FHOD3: variants seen among roughly 807,000 people sequenced by gnomAD.
FHOD3 encodes the protein formin homology 2 domain containing 3.
FHOD3 carries 90 observed loss-of-function variants against 173.0 expected under a neutral mutation model. The observed-to-expected ratio is 0.52, with a 90% CI of 0.44 to 0.62. FHOD3 has a LOEUF of 0.62. FHOD3 is among the 20% of genes least tolerant of loss of function. FHOD3 has a pLI of 0.00. For missense variants in FHOD3, 1,945 were observed against 2,034.7 expected (o/e 0.96, Z 0.85); for synonymous variants, 828 against 823.0 (o/e 1.01, Z -0.10).
chr18:36,638,843 C>T (rs2035075992), intron 10 of FHOD3, among the ~76,000 whole-genome samples: 1 of 152,220 alleles, frequency 6.6e-6, no homozygotes, highest in African/African-American at 2.4e-5. Flanking sequence ...AGACCACCCT[C>T]AACAGCCTTG....
intron 3 of FHOD3, among the ~76,000 whole-genome samples, chr18:36,396,256 T>G (rs2048551442): frequency 1.3e-5 from 2 of 152,208 alleles, no homozygotes; most frequent in Admixed American, 1.3e-4. Flanking sequence ...ATGGGGGATC[T>G]TTTATGTGGT....
intron 19 of FHOD3, among the ~76,000 whole-genome samples, chr18:36,723,054 T>C (rs1241294022): frequency 6.6e-6 from 1 of 152,046 alleles, no homozygotes; most frequent in Non-Finnish European, 1.5e-5. Flanking sequence ...TCCTATAGGA[T>C]GTGGTGAATC....
chr18:36,659,736 A>T (rs1041746573), intron 14 of FHOD3, among the ~76,000 whole-genome samples: 5 of 152,200 alleles, frequency 3.3e-5, no homozygotes, highest in Non-Finnish European at 5.9e-5. Flanking sequence ...AAAGTTATAC[A>T]GACAGGGGTC....
At chr18:36,419,402 C>T (rs939228082) in intron 3 of FHOD3, among the ~76,000 whole-genome samples, 4 of 151,992 alleles carry the variant, frequency 2.6e-5, no homozygotes, top group Non-Finnish European at 4.4e-5. Flanking sequence ...AAGGATGGAG[C>T]TCCCAGTTTA....
intron 20 of FHOD3, among the ~76,000 whole-genome samples, chr18:36,737,434 C>T (rs1399052122): frequency 6.6e-6 from 1 of 152,170 alleles, no homozygotes; most frequent in African/African-American, 2.4e-5. Context: ...GCAACATCTG[C>T]TTGAAGTGTC....
rs757953092 is a variant in FHOD3 at position 36,744,181 on chromosome 18, C to T, written c.4029C>T (p.Thr1343=). 2.5e-6 allele frequency: 4 copies of T among 1,613,532 alleles called. No individual in the cohort carries two copies. The highest frequency in any genetic ancestry group is 3.4e-6 in the Non-Finnish European group (4 of 1,179,710). Residue 1343 remains threonine, a synonymous_variant, in exon 23 of 29, where the codon ACC becomes ACT. Transcript: ENST00000590592. The stretch of plus-strand genomic sequence containing the variant: ...TGTACTCGGAGATCGGGGCCATCAC[C>T]AGGTCAGCCAAGGTATGTCTGTGGA... ...SDLYSEIGAI[T]RSAKVDFDQL...
chr18:36,566,539 C>G (rs2058271333), intron 5 of FHOD3, among the ~76,000 whole-genome samples: 1 of 152,194 alleles, frequency 6.6e-6, no homozygotes, highest in African/African-American at 2.4e-5. Context: ...AGTGGGGACC[C>G]TGGGCCCTGT....
intron 19 of FHOD3, among the ~76,000 whole-genome samples, chr18:36,725,511 G>T (rs1190160381): frequency 2.0e-5 from 3 of 152,158 alleles, no homozygotes; most frequent in African/African-American, 4.8e-5. Flanking sequence ...TTCTGTACCT[G>T]TGCAGGGTTC....
At chr18:36,409,859 C>G (rs966438773) in intron 3 of FHOD3, among the ~76,000 whole-genome samples, 22 of 152,298 alleles carry the variant, frequency 1.4e-4, no homozygotes, top group Non-Finnish European at 2.9e-4. Flanking sequence ...TTAACCGTCC[C>G]TTCTGCCCCT....
At chr18:36,582,704 A>G (rs900614759) in intron 6 of FHOD3, among the ~76,000 whole-genome samples, 1 of 152,242 alleles carries the variant, frequency 6.6e-6, no homozygotes, top group Admixed American at 6.5e-5. Flanking sequence ...CATACTGGTT[A>G]CCAACTCTTC....
At position 36,475,962 on chromosome 18, in the gene FHOD3, C is replaced by A. The variant is rs550167007; in HGVS notation, c.338-25970C>A. On this transcript the variant is annotated intron_variant, in intron 3 of 28. Coordinates refer to ENST00000590592, the MANE Select transcript of FHOD3 (RefSeq NM_001281740.3). Reference sequence around the variant, plus strand: ...CTGTAAAAAATGTTGACAAAATGTACAATTACTAGGTATTTTAGGAAAAAT... The same window carrying A: ...CTGTAAAAAATGTTGACAAAATGTAAAATTACTAGGTATTTTAGGAAAAAT... Among the ~76,000 whole-genome samples the A allele has an allele frequency of 2.0e-5, 3 of 152,116 alleles. No individual in the cohort carries two copies. In the East Asian group the frequency reaches 5.8e-4, roughly 29 times the overall value.
chr18:36,725,941 T>C (rs11663990), intron 19 of FHOD3, among the ~76,000 whole-genome samples: 17,710 of 152,146 alleles, frequency 0.12, 1,211 homozygotes, highest in Non-Finnish European at 0.14. Flanking sequence ...TGATAGCTGA[T>C]TGGGTAGATA....
In FHOD3 at chr18:36,653,395, T is replaced by TC; in HGVS notation, c.1702dup (p.Arg568ProfsTer6). ...TATTCTGCCTCTGAGCCTTACCACT[T>TC]CCGATCTTTCTCTTCTAATAGGTGG... On this transcript the variant is annotated frameshift_variant, in exon 13 of 29. Transcript: ENST00000590592. LOFTEE classifies it high-confidence loss of function. 1.3e-6 allele frequency: 2 copies of TC among 1,534,156 alleles called. No individual in the cohort carries two copies. The highest frequency in any genetic ancestry group is 2.0e-5 in the Admixed American group (1 of 50,956).
At chr18:36,721,255 C>T (rs1435683266) in intron 19 of FHOD3, among the ~76,000 whole-genome samples, 1 of 152,132 alleles carries the variant, frequency 6.6e-6, no homozygotes, top group Non-Finnish European at 1.5e-5. Context: ...ACCCAAAAAC[C>T]CCTACCTTTG....
chr18:36,557,528 T>C (rs567081384), intron 5 of FHOD3, among the ~76,000 whole-genome samples: 4 of 152,318 alleles, frequency 2.6e-5, no homozygotes, highest in African/African-American at 9.6e-5. Flanking sequence ...ACTTAACTTT[T>C]TGAATATACA....
chr18:36,412,158 C>CT (rs1490440100), intron 3 of FHOD3, among the ~76,000 whole-genome samples: 1 of 152,136 alleles, frequency 6.6e-6, no homozygotes, highest in African/African-American at 2.4e-5. Context: ...AGGGTCATTG[C>CT]TTTAGGGGAT....
intron 14 of FHOD3, among the ~76,000 whole-genome samples, chr18:36,659,664 G>T (rs1462155245): frequency 1.3e-5 from 2 of 152,186 alleles, no homozygotes; most frequent in Non-Finnish European, 2.9e-5. Flanking sequence ...AAACACTGAT[G>T]GAAGGATGGG....
intron 2 of FHOD3, among the ~76,000 whole-genome samples, chr18:36,368,174 G>A (rs1598860289): frequency 6.6e-6 from 1 of 152,108 alleles, no homozygotes. Context: ...ATTGGCTCAG[G>A]CAGTTGTGGG....
Position 36,700,906 on chromosome 18 carries a change from G to A in FHOD3, c.2236+7483G>A, listed in dbSNP as rs2039549619. Reference sequence around the variant, plus strand: ...GGGTGCCCCCTGGACTCTTCATCGAGCTGAGGCATCTTCTCTTCTCTAAAG... The same window carrying A: ...GGGTGCCCCCTGGACTCTTCATCGAACTGAGGCATCTTCTCTTCTCTAAAG... On this transcript the variant is annotated intron_variant, in intron 17 of 28. Transcript: ENST00000590592. Among the ~76,000 whole-genome samples the A allele has an allele frequency of 2.0e-5, 3 of 152,194 alleles. No individual in the cohort carries two copies. The South Asian group carries it at 6.2e-4, about 32-fold the overall frequency.
Sources: allele counts gnomAD v4.1 joint callset (sites outside exome capture counted in the v4.1 genomes callset), GRCh38; gene constraint gnomAD v4.1.1; transcripts MANE v1.5; gene names NCBI Gene and HGNC (gene_info 2026-07-23, HGNC 2026-07-21).